Variants in ABCB1 observed in about 807,000 individuals in gnomAD.
ABCB1 encodes the protein ATP-dependent translocase ABCB1.
Under a neutral mutation model 142.0 loss-of-function variants are expected in ABCB1, and 69 were observed. The observed-to-expected ratio is 0.49, with a 90% CI of 0.40 to 0.59. The LOEUF is 0.59. Among genes scored for constraint, ABCB1 ranks in the 20% least tolerant of loss-of-function variants. ABCB1 has a pLI of 0.00. For synonymous variants in ABCB1, 532 were observed against 539.2 expected, an observed-to-expected ratio of 0.99 and a Z score of 0.18; for missense variants, 1,326 against 1,554.7, an observed-to-expected ratio of 0.85 and a Z score of 2.47.
intron 19 of ABCB1, among the ~76,000 whole-genome samples, chr7:87,538,681 C>T (rs1264901095): frequency 6.6e-6 from 1 of 152,178 alleles, no homozygotes; most frequent in Non-Finnish European, 1.5e-5. Flanking sequence ...CTCTAATTTC[C>T]TTCCCCATTT....
At chr7:87,611,648 G>A (rs1439801656) in intron 1 of ABCB1, among the ~76,000 whole-genome samples, 1 of 151,594 alleles carries the variant, frequency 6.6e-6, no homozygotes, top group Non-Finnish European at 1.5e-5. Context: ...TTGATTACAT[G>A]TCTTTGCTAG....
intron 1 of ABCB1, among the ~76,000 whole-genome samples, chr7:87,666,262 A>G (rs1425863477): frequency 6.6e-6 from 1 of 151,938 alleles, no homozygotes; most frequent in African/African-American, 2.4e-5. Flanking sequence ...TTCTTTTCAT[A>G]TGCTTGTGGG....
At chr7:87,692,633 T>C (rs1390087969) in intron 1 of ABCB1, among the ~76,000 whole-genome samples, 1 of 152,224 alleles carries the variant, frequency 6.6e-6, no homozygotes, top group African/African-American at 2.4e-5. Context: ...AAATTGTTTT[T>C]ACTTTGATAA....
intron 21 of ABCB1, among the ~76,000 whole-genome samples, chr7:87,522,756 TA>T (rs201647811): frequency 0.053 from 7,957 of 151,422 alleles, 339 homozygotes; most frequent in East Asian, 0.13. Context: ...TCCTTTTTTT[TA>T]AAAAAAAAGT....
At chr7:87,541,781 C>A (rs1214223694) in intron 17 of ABCB1, among the ~76,000 whole-genome samples, 1 of 152,222 alleles carries the variant, frequency 6.6e-6, no homozygotes, top group African/African-American at 2.4e-5. Flanking sequence ...TGGGGAACTA[C>A]ATTTATGGCA....
chr7:87,630,547 A>G (rs993939289), intron 1 of ABCB1, among the ~76,000 whole-genome samples: 1 of 152,202 alleles, frequency 6.6e-6, no homozygotes, highest in Non-Finnish European at 1.5e-5. Context: ...ACCATAATAT[A>G]CAGACATCAA....
At chr7:87,554,154 T>C (rs779349548) in intron 8 of ABCB1, among the ~76,000 whole-genome samples, 24 of 152,208 alleles carry the variant, frequency 1.6e-4, no homozygotes, top group Non-Finnish European at 2.9e-4. Context: ...GGGAGTCTTC[T>C]AAAATTTCCT....
At chr7:87,629,068 C>A in intron 1 of ABCB1, 1 of 972,152 alleles carries the variant, frequency 1.0e-6, no homozygotes, top group Non-Finnish European at 1.4e-6. Flanking sequence ...GCCTATGTTG[C>A]GCCAGCCAAA....
intron 1 of ABCB1, among the ~76,000 whole-genome samples, chr7:87,627,222 CGTT>C (rs1423618839): frequency 6.6e-6 from 1 of 152,040 alleles, no homozygotes; most frequent in Non-Finnish European, 1.5e-5. Context: ...CACAAACGTG[CGTT>C]GTTAAAACAT....
At chr7:87,619,974 T>A (rs1249250185) in intron 1 of ABCB1, among the ~76,000 whole-genome samples, 1 of 152,150 alleles carries the variant, frequency 6.6e-6, no homozygotes, top group Non-Finnish European at 1.5e-5. Flanking sequence ...TCTTAAAGAT[T>A]ACTTGTGGAT....
chr7:87,610,232 C>CTTTTTT (rs914468581), intron 1 of ABCB1, among the ~76,000 whole-genome samples: 10 of 117,054 alleles, frequency 8.5e-5, no homozygotes, highest in African/African-American at 1.9e-4. Context: ...CTTTTTCTTT[C>CTTTTTT]TTTTTTTTTT....
intron 1 of ABCB1, among the ~76,000 whole-genome samples, chr7:87,657,056 C>T (rs1403968509): frequency 6.6e-6 from 1 of 152,124 alleles, no homozygotes; most frequent in Non-Finnish European, 1.5e-5. Flanking sequence ...ACATGACATA[C>T]TTTCCCCTAT....
chr7:87,699,388 C>T (rs1461731145), intron 1 of ABCB1, among the ~76,000 whole-genome samples: 1 of 151,974 alleles, frequency 6.6e-6, no homozygotes, highest in Non-Finnish European at 1.5e-5. Context: ...TCCTGTGAGA[C>T]TAATATTCAG....
chr7:87,537,701 G>A (rs1816359066), intron 19 of ABCB1, among the ~76,000 whole-genome samples: 1 of 152,186 alleles, frequency 6.6e-6, no homozygotes, highest in Admixed American at 6.5e-5. Flanking sequence ...GGCAGTATAA[G>A]TGATTTGAGT....
intron 4 of ABCB1, among the ~76,000 whole-genome samples, chr7:87,584,456 G>A (rs1312575425): frequency 2.6e-5 from 4 of 152,124 alleles, no homozygotes; most frequent in Non-Finnish European, 4.4e-5. Context: ...AAGTTTTTGA[G>A]TAGCTCAGTT....
intron 1 of ABCB1, among the ~76,000 whole-genome samples, chr7:87,613,987 A>C (rs1207361605): frequency 3.3e-5 from 5 of 152,210 alleles, no homozygotes; most frequent in African/African-American, 1.2e-4. Flanking sequence ...GGTTTGTGTT[A>C]AATTATCCTT....
At chr7:87,513,434 TC>T (rs1319586885) in intron 25 of ABCB1, among the ~76,000 whole-genome samples, 7 of 152,182 alleles carry the variant, frequency 4.6e-5, no homozygotes, top group Admixed American at 2.0e-4. Context: ...CCTTATTGTA[TC>T]ATTATTGTGC....
intron 2 of ABCB1, among the ~76,000 whole-genome samples, chr7:87,598,474 T>C (rs890685459): frequency 6.6e-6 from 1 of 152,228 alleles, no homozygotes; most frequent in East Asian, 1.9e-4. Context: ...AAATCTTTAA[T>C]TGGAGAAGCA....
intron 1 of ABCB1, among the ~76,000 whole-genome samples, chr7:87,708,188 A>T (rs1400531888): frequency 6.6e-6 from 1 of 152,152 alleles, no homozygotes; most frequent in Non-Finnish European, 1.5e-5. Context: ...ATATATAAGA[A>T]AATCAACCAA....
Sources: gnomAD v4.1 joint callset for allele counts (sites outside exome capture counted in the v4.1 genomes callset) on GRCh38, gnomAD v4.1.1 for gene constraint, MANE v1.5 for transcripts, NCBI Gene and HGNC (gene_info 2026-07-23, HGNC 2026-07-21) for gene names.